Variants in SORL1 observed in about 807,000 individuals in gnomAD.
SORL1 encodes sortilin related receptor 1.
In SORL1, 127 loss-of-function variants were observed where a neutral mutation model predicts 273.7. That is an observed-to-expected ratio of 0.46 (90% CI 0.40 to 0.54). The LOEUF (loss-of-function observed/expected upper bound fraction) is 0.54, where lower values mean the gene tolerates loss of function less well. Ranked by LOEUF, SORL1 falls within the 20% of genes least tolerant of loss-of-function variation. SORL1 has a pLI of 0.00. For missense variants in SORL1, 2,494 were observed against 2,846.1 expected, an observed-to-expected ratio of 0.88 and a Z score of 2.81; for synonymous variants, 1,031 against 1,067.4, an observed-to-expected ratio of 0.97 and a Z score of 0.66.
At chr11:121,616,702 C>T (rs1863647353) in intron 41 of SORL1, among the ~76,000 whole-genome samples, 1 of 152,258 alleles carries the variant, frequency 6.6e-6, no homozygotes, top group African/African-American at 2.4e-5. Flanking sequence ...GTTTCTCTGT[C>T]TGTGTTCTCC....
chr11:121,632,572 C>T lies in SORL1; in HGVS notation c.*3009C>T, dbSNP rs938554240. ...CAGAAGACACACAGCTGCCTGTTCT[C>T]TCCTGCCCATCATGTTTGGCCCACT... On this transcript the variant is annotated 3_prime_UTR_variant, in exon 48 of 48. Transcript: ENST00000260197. 5.9e-5 allele frequency: 9 copies of T among 151,482 alleles called. No homozygotes were observed. Among genetic ancestry groups the T allele is most frequent in the African/African-American group, 1.9e-4 (8 of 41,176 alleles). The allele number at this position is 151,482 out of a possible 1,614,324, so 9.4% of individuals were successfully genotyped here. A position where few individuals can be genotyped will look rare whatever the true frequency, so the allele number is the denominator to read the frequency against.
chr11:121,532,671 C>A, intron 12 of SORL1, 119 bp downstream of exon 12: 1 of 797,976 alleles, frequency 1.3e-6, no homozygotes, highest in Non-Finnish European at 2.0e-6. Context: ...TTTGTGATCT[C>A]TGGATATGAG....
rs1019497421 is a variant in SORL1, at chr11:121,506,997, G to T, written c.940-6006G>T. On this transcript the variant is annotated intron_variant, in intron 6 of 47. Coordinates refer to ENST00000260197, the MANE Select transcript of SORL1 (RefSeq NM_003105.6). ...GTGTTTTCTTAATCTGTGCTTTGGG[G>T]ATTACAATAAATATCTTAATTTATG... Among the ~76,000 whole-genome samples, 4 of 151,964 alleles carry T rather than the reference G, an allele frequency of 2.6e-5. No homozygotes were observed. In the South Asian group the frequency reaches 8.3e-4, roughly 32 times the overall value.
chr11:121,506,638 C>G (rs754286966), intron 6 of SORL1, among the ~76,000 whole-genome samples: 1 of 152,172 alleles, frequency 6.6e-6, no homozygotes, highest in African/African-American at 2.4e-5. Flanking sequence ...GGGACACAGC[C>G]AAACCATATC....
At chr11:121,566,783 A>T in intron 21 of SORL1, 157 bp from the exon 22 acceptor site, 1 of 647,748 alleles carries the variant, frequency 1.5e-6, no homozygotes, top group Non-Finnish European at 2.6e-6. Context: ...AGAAGTTTTC[A>T]GCACAGTAGG....
In SORL1 at chr11:121,478,953, T is replaced by C. The variant is rs376784255; in HGVS notation, c.528+710T>C. ...GTACCCACGTGCGTGTGTGGGTACC[T>C]GCGTGCGTGCGCATGCTTGTGTGCA... On this transcript the variant is annotated intron_variant, in intron 3 of 47. Coordinates refer to ENST00000260197, the MANE Select transcript of SORL1 (RefSeq NM_003105.6). 7.0e-3 allele frequency among the ~76,000 whole-genome samples: 1,059 copies of C among 151,104 alleles called. 10 individuals carry two copies. Among genetic ancestry groups the C allele is most frequent in the African/African-American group, 0.023 (956 of 41,220 alleles).
chr11:121,452,617 G>A lies in SORL1; in HGVS notation c.285+1G>A. On this transcript the variant is annotated splice_donor_variant, in intron 1 of 47. Coordinates refer to ENST00000260197, the MANE Select transcript of SORL1 (RefSeq NM_003105.6). LOFTEE classifies it high-confidence loss of function. The surrounding 1 kb of genome is among the most constrained non-coding windows in gnomAD (Gnocchi z 5.3). ...CGAGCCCATCAAGGTGTACGGACAG[G>A]TGAGCAGTTTTGCAACCCGCCTCCC... is the stretch of plus-strand genomic sequence containing the variant. 1 of 1,480,406 alleles carries A rather than the reference G, an allele frequency of 6.8e-7. No individual in the cohort carries two copies. Among genetic ancestry groups the A allele is most frequent in the Non-Finnish European group, 8.9e-7 (1 of 1,120,486 alleles). 91.7% of individuals were successfully genotyped at this position (1,480,406 alleles called of 1,614,324 possible). A position where few individuals can be genotyped will look rare whatever the true frequency, so the allele number is the denominator to read the frequency against.
At chr11:121,607,739 A>G (rs917487344) in intron 37 of SORL1, among the ~76,000 whole-genome samples, 1 of 152,232 alleles carries the variant, frequency 6.6e-6, no homozygotes, top group Non-Finnish European at 1.5e-5. Context: ...TGCTGAGACC[A>G]TTAAGTGTGC....
chr11:121,474,552 A>G (rs1861230151), intron 2 of SORL1, among the ~76,000 whole-genome samples: 1 of 152,232 alleles, frequency 6.6e-6, no homozygotes, highest in Admixed American at 6.5e-5. Flanking sequence ...TTTGTAGGTA[A>G]AAAAGGATCT....
chr11:121,622,924 A>G lies in SORL1; in HGVS notation c.6171+656A>G, dbSNP rs539914927. 6.6e-5 allele frequency among the ~76,000 whole-genome samples: 10 copies of G among 152,342 alleles called. No homozygotes were observed. In the East Asian group the frequency reaches 9.6e-4, roughly 15 times the overall value. ...AAAGCCTTTGCTAAATAGGAATGTG[A>G]TGAATCAACTATGGCTACCTGGAGA... On this transcript the variant is annotated intron_variant, in intron 45 of 47. Coordinates refer to ENST00000260197, the MANE Select transcript of SORL1 (RefSeq NM_003105.6).
At chr11:121,486,137 C>T (rs1861467847) in intron 3 of SORL1, among the ~76,000 whole-genome samples, 2 of 152,194 alleles carry the variant, frequency 1.3e-5, no homozygotes, top group South Asian at 2.1e-4. Context: ...TTGGGCTTAT[C>T]CTGCAGGATT....
At chr11:121,523,096 C>T (rs1234948470) in intron 11 of SORL1, 107 bp downstream of exon 11, 1 of 744,624 alleles carries the variant, frequency 1.3e-6, no homozygotes, top group African/African-American at 1.7e-5. Context: ...ATGGCAGAGA[C>T]CAGTAATGCC....
At chr11:121,530,329 T>G (rs1383836166) in intron 11 of SORL1, among the ~76,000 whole-genome samples, 1 of 151,612 alleles carries the variant, frequency 6.6e-6, no homozygotes, top group African/African-American at 2.4e-5. Flanking sequence ...TGTAGCGAGA[T>G]CTGTTGGCTG....
intron 6 of SORL1, among the ~76,000 whole-genome samples, chr11:121,504,501 A>G (rs1202833771): frequency 6.6e-6 from 1 of 152,184 alleles, no homozygotes; most frequent in Non-Finnish European, 1.5e-5. Flanking sequence ...TTGCTAATAT[A>G]TAGAACATGA....
intron 16 of SORL1, among the ~76,000 whole-genome samples, chr11:121,553,116 G>T (rs1464788553): frequency 6.6e-6 from 1 of 152,206 alleles, no homozygotes; most frequent in Non-Finnish European, 1.5e-5. Context: ...AGTGGTTAAA[G>T]CATAGACTCT....
At chr11:121,613,375 G>A (rs1292367877) in intron 40 of SORL1, among the ~76,000 whole-genome samples, 2 of 152,200 alleles carry the variant, frequency 1.3e-5, no homozygotes, top group African/African-American at 4.8e-5. Flanking sequence ...CTAAAGGATG[G>A]ATTTTAATTT....
At chr11:121,505,769 A>G (rs928436498) in intron 6 of SORL1, among the ~76,000 whole-genome samples, 1 of 151,806 alleles carries the variant, frequency 6.6e-6, no homozygotes, top group Non-Finnish European at 1.5e-5. Context: ...TTGGTTTCTC[A>G]TTTTATTCTA....
intron 6 of SORL1, among the ~76,000 whole-genome samples, chr11:121,506,643 C>T (rs191120112): frequency 8.6e-4 from 131 of 152,300 alleles, no homozygotes; most frequent in Non-Finnish European, 1.3e-3. Flanking sequence ...ACAGCCAAAC[C>T]ATATCACATG....
At chr11:121,531,261 G>A (rs1862198101) in intron 11 of SORL1, among the ~76,000 whole-genome samples, 1 of 152,158 alleles carries the variant, frequency 6.6e-6, no homozygotes, top group South Asian at 2.1e-4. Flanking sequence ...GGGCGTGGTG[G>A]TGCATGCCTG....
Sources: allele counts gnomAD v4.1 joint callset (sites outside exome capture counted in the v4.1 genomes callset), GRCh38; gene constraint gnomAD v4.1.1; non-coding constraint Gnocchi (gnomAD v3.1); transcripts MANE v1.5; gene names NCBI Gene and HGNC (gene_info 2026-07-23, HGNC 2026-07-21).